HMCN2: variants seen among roughly 807,000 people sequenced by gnomAD.
HMCN2 encodes the protein hemicentin-2.
HMCN2 carries 325 observed loss-of-function variants against 377.5 expected under a neutral mutation model. That is an observed-to-expected ratio of 0.86 (90% CI 0.79 to 0.94). The LOEUF (loss-of-function observed/expected upper bound fraction) is 0.94. Among genes scored for constraint, HMCN2 ranks in the 40% least tolerant of loss-of-function variants. HMCN2 has a pLI of 0.00. For missense variants in HMCN2, 4,543 were observed against 4,725.3 expected (o/e 0.96, Z 1.13); for synonymous variants, 2,007 against 2,046.8 (o/e 0.98, Z 0.53).
intron 1 of HMCN2, among the ~76,000 whole-genome samples, chr9:130,278,171 G>C (rs979545813): frequency 1.7e-4 from 26 of 152,250 alleles, no homozygotes; most frequent in South Asian, 4.1e-4. Context: ...GTCACCCAGG[G>C]TGGAGTGCAG....
Position 130,296,709 on chromosome 9 carries a change from A to T in HMCN2, c.927A>T (p.Thr309=), listed in dbSNP as rs1006661152. 29 of 471,062 alleles carry T rather than the reference A, an allele frequency of 6.2e-5. No homozygotes were observed. Among genetic ancestry groups the T allele is most frequent in the African/African-American group, 5.6e-4 (28 of 50,076 alleles). 29.2% of individuals were successfully genotyped at this position (471,062 alleles called of 1,614,324 possible). Residue 309 remains threonine (T), a synonymous_variant, in exon 7 of 98, where the codon ACA becomes ACT. Transcript: ENST00000683500. ...YSSGRHSVRI[T]GVSNIDFRAG... The stretch of plus-strand genomic sequence containing the variant: ...GTGGCCGCCATTCAGTGAGGATCAC[A>T]GGCGTCAGCAACATTGACTTCCGAG...
chr9:130,349,631 C>T lies in HMCN2; in HGVS notation c.4398C>T (p.Pro1466=). The T allele has an allele frequency of 7.7e-7, 1 of 1,304,056 alleles. No individual in the cohort carries two copies. Among genetic ancestry groups the T allele is most frequent in the Non-Finnish European group, 1.0e-6 (1 of 988,818 alleles). The allele number at this position is 1,304,056 out of a possible 1,614,324, so 80.8% of individuals were successfully genotyped here. ...VELQCWTSGV[P]TPQVEWTKDR... ...TGCAGTGTTGGACCTCAGGGGTCCC[C>T]ACGCCCCAGGTGGAGTGGACCAAGG... Residue 1466 remains proline (P), a synonymous_variant, in exon 29 of 98, where the codon CCC becomes CCT. Transcript: ENST00000683500.
Position 130,309,963 on chromosome 9 carries a change from G to A in HMCN2, c.2252G>A (p.Arg751Gln), listed in dbSNP as rs182627801. 8.3e-5 allele frequency: 44 copies of A among 529,566 alleles called. No homozygotes were observed. In the East Asian group the frequency reaches 1.5e-3, roughly 18 times the overall value. The allele number at this position is 529,566 out of a possible 1,614,324, so 32.8% of individuals were successfully genotyped here. A position where few individuals can be genotyped will look rare whatever the true frequency, so the allele number is the denominator to read the frequency against. The change falls in exon 15 of 98, where the codon CGG becomes CAG. Residue 751 changes from arginine (R) to glutamine (Q), a missense_variant. By Grantham distance (43) the Arg-to-Gln change is conservative. This residue lies in a region of HMCN2 where 547 missense variants were observed against 189.9 expected (regional missense o/e 2.88). Transcript: ENST00000683500. ...APEGSSSGKL[R>Q]IPAAQERDAG... ...GAGGGCTCCAGCTCTGGGAAGCTGC[G>A]GATCCCGGCGGCTCAGGAGAGGGAT...
At chr9:130,325,177 C>T (rs1419970365) in intron 19 of HMCN2, among the ~76,000 whole-genome samples, 3 of 150,716 alleles carry the variant, frequency 2.0e-5, no homozygotes, top group African/African-American at 7.4e-5. Context: ...CTCACTGCAA[C>T]CTCCGCCTTC....
rs1197177766 is a variant in HMCN2 at position 130,278,033 on chromosome 9, TCACCACCACCATCATCATTACCACCAC to T, written c.260-6551_260-6525del. Among the ~76,000 whole-genome samples the T allele has an allele frequency of 2.6e-3, 18 of 6,944 alleles. 2 individuals carry two copies. The highest frequency in any genetic ancestry group is 5.3e-3 in the South Asian group (1 of 190). The allele number at this position is 6,944 out of a possible 152,430, so 4.6% of individuals were successfully genotyped here. A position where few individuals can be genotyped will look rare whatever the true frequency, so the allele number is the denominator to read the frequency against. On this transcript the variant is annotated intron_variant, in intron 1 of 97. Coordinates refer to ENST00000683500, the MANE Select transcript of HMCN2 (RefSeq NM_001291815.2). ...ATCATCATCACCACCACCACGATCA[TCACCACCACCATCATCATTACCACCAC>T]CACCACCACCATCATCATCATCACC...
chr9:130,336,113 GAGAA>G (rs1233510092), intron 22 of HMCN2, among the ~76,000 whole-genome samples: 1 of 152,044 alleles, frequency 6.6e-6, no homozygotes, highest in Non-Finnish European at 1.5e-5. Context: ...GTGAGAGAGA[GAGAA>G]AGGAAGGAAA....
Position 130,433,790 on chromosome 9 carries a change from CA to C in HMCN2, c.*98del. On this transcript the variant is annotated 3_prime_UTR_variant, in exon 98 of 98. Transcript: ENST00000683500. ...CCACCTGCTGTGGCAAGCGGAGCGT[CA>C]TCGTCTCCCGCCCCGTGCGTCAGCG... 1 of 1,005,576 alleles carries C rather than the reference CA, an allele frequency of 9.9e-7. No individual in the cohort carries two copies. The highest frequency in any genetic ancestry group is 1.4e-6 in the Non-Finnish European group (1 of 727,588). 62.3% of individuals were successfully genotyped at this position (1,005,576 alleles called of 1,614,324 possible).
chr9:130,268,922 G>C lies in HMCN2; in HGVS notation c.259+2785G>C, dbSNP rs377719140. The stretch of plus-strand genomic sequence containing the variant: ...CTTCTATGGGCTGTGAACAGCCACC[G>C]AGGGCTTCTGAGCAGCAGTTTGGAA... On this transcript the variant is annotated intron_variant, in intron 1 of 97. Transcript: ENST00000683500. 4.0e-5 allele frequency among the ~76,000 whole-genome samples: 6 copies of C among 148,914 alleles called. 1 individual carries two copies. Among genetic ancestry groups the C allele is most frequent in the Non-Finnish European group, 6.0e-5 (4 of 66,304 alleles).
chr9:130,427,228 G>A, intron 90 of HMCN2, 85 bp from the exon 91 acceptor site: 1 of 1,384,660 alleles, frequency 7.2e-7, no homozygotes, highest in African/African-American at 1.4e-5. Context: ...TGGCAGTGGG[G>A]GAGCTGTGAG....
At position 130,312,039 on chromosome 9, in the gene HMCN2, T is replaced by C. The variant is rs903373820; in HGVS notation, c.2350+1978T>C. 7.9e-5 allele frequency among the ~76,000 whole-genome samples: 12 copies of C among 152,300 alleles called. No homozygotes were observed. The South Asian group carries it at 1.0e-3, about 13-fold the overall frequency. ...CAGAGCACATTTTGTTGCTGGCTCA[T>C]GTAACCCTCACAACAACCCTTGGAG... On this transcript the variant is annotated intron_variant, in intron 15 of 97. Transcript: ENST00000683500.
At position 130,430,416 on chromosome 9, in the gene HMCN2, G is replaced by T; in HGVS notation, c.14459G>T (p.Arg4820Leu). The T allele has an allele frequency of 6.4e-7, 1 of 1,550,522 alleles. No individual in the cohort carries two copies. Among genetic ancestry groups the T allele is most frequent in the Admixed American group, 2.0e-5 (1 of 51,010 alleles). Residue 4820 changes from arginine to leucine, a missense_variant, in exon 95 of 98, where the codon CGG becomes CTG. Around this residue, in one of 5 missense-constraint regions of HMCN2, gnomAD observed 1,155 missense variants for 1,157.7 expected, o/e 1.00. Transcript: ENST00000683500. ...GGCAAGGCCTGCACCTCACTGGAGC[G>T]GAATGGACAAAATGTGACCACCGTC... ...RDGKACTSLE[R>L]NGQNVTTVSH...
Position 130,428,223 on chromosome 9 carries a change from A to G in HMCN2, c.14066-135A>G. On this transcript the variant is annotated intron_variant, in intron 92 of 97. Coordinates refer to ENST00000683500, the MANE Select transcript of HMCN2 (RefSeq NM_001291815.2). This position sits in a 1 kb window ranked among gnomAD's most constrained non-coding sequence, Gnocchi z 5.0. Reference sequence around the variant, plus strand: ...CAAGACAATGGAAAGAGCTAGCAGAAGGGGTGGGGACCTTCCTGCCAGTGG... The same window carrying G: ...CAAGACAATGGAAAGAGCTAGCAGAGGGGGTGGGGACCTTCCTGCCAGTGG... 1.0e-6 allele frequency: 1 copy of G among 1,003,120 alleles called. No individual in the cohort carries two copies. Among genetic ancestry groups the G allele is most frequent in the South Asian group, 2.0e-5 (1 of 49,132 alleles). The allele number at this position is 1,003,120 out of a possible 1,614,324, so 62.1% of individuals were successfully genotyped here.
chr9:130,380,669 C>T (rs1841663271), intron 54 of HMCN2, among the ~76,000 whole-genome samples: 1 of 151,884 alleles, frequency 6.6e-6, no homozygotes, highest in Non-Finnish European at 1.5e-5. Context: ...TACCTGTGGT[C>T]CCAGCTACTC....
At chr9:130,325,345 C>G (rs987567348) in intron 19 of HMCN2, among the ~76,000 whole-genome samples, 17 of 152,310 alleles carry the variant, frequency 1.1e-4, no homozygotes, top group African/African-American at 4.1e-4. Context: ...ATTCTCCCGC[C>G]TCAGCCTCCC....
Position 130,364,770 on chromosome 9 carries a change from G to A in HMCN2, c.6289G>A (p.Val2097Met), listed in dbSNP as rs1011302063. ...TGTGTCCGTTGTGGCCAATGAGTCA[G>A]TGGCCCTGGAGTGCCAGAGCCACGC... is the stretch of plus-strand genomic sequence containing the variant. ...LNVSVVANES[V>M]ALECQSHAMP... The change falls in exon 41 of 98, where the codon GTG (valine) becomes ATG (methionine). Residue 2097 changes from valine to methionine, a missense_variant. Physicochemically the swap from Val to Met is conservative, Grantham distance 21. Transcript: ENST00000683500. 6.0e-5 allele frequency: 59 copies of A among 985,930 alleles called. No individual in the cohort carries two copies. Among genetic ancestry groups the A allele is most frequent in the Non-Finnish European group, 7.0e-5 (58 of 829,970 alleles). The allele number at this position is 985,930 out of a possible 1,614,324, so 61.1% of individuals were successfully genotyped here. A position where few individuals can be genotyped will look rare whatever the true frequency, so the allele number is the denominator to read the frequency against.
At chr9:130,299,614 C>G (rs1554933607) in intron 8 of HMCN2, among the ~76,000 whole-genome samples, 1 of 148,822 alleles carries the variant, frequency 6.7e-6, no homozygotes, top group South Asian at 2.2e-4. Context: ...CACTCATGCA[C>G]CCACCCATCC....
In HMCN2 at chr9:130,287,551, T is replaced by TAAA. The variant is rs142931668; in HGVS notation, c.612+1266_612+1268dup. On this transcript the variant is annotated intron_variant, in intron 4 of 97. Coordinates refer to ENST00000683500, the MANE Select transcript of HMCN2 (RefSeq NM_001291815.2). ...GGGCAACAAGAGTGAAACTCTGTCT[T>TAAA]AAAAAAAAAAAAAAAAAAAAAAAAA... 6.4e-5 allele frequency among the ~76,000 whole-genome samples: 6 copies of TAAA among 93,306 alleles called. No individual in the cohort carries two copies. In the South Asian group the frequency reaches 1.9e-3, roughly 29 times the overall value. The allele number at this position is 93,306 out of a possible 152,430, so 61.2% of individuals were successfully genotyped here.
rs191004421 is a variant in HMCN2, at chr9:130,268,539, C to T, written c.259+2402C>T. ...AAGTGACATGTGGTGGCTCAGGTGCCAACTCCTGGCCATGGGCCAGTAAGC... is the reference window on the plus strand; with the variant it reads ...AAGTGACATGTGGTGGCTCAGGTGCTAACTCCTGGCCATGGGCCAGTAAGC... On this transcript the variant is annotated intron_variant, in intron 1 of 97. Coordinates refer to ENST00000683500, the MANE Select transcript of HMCN2 (RefSeq NM_001291815.2). Among the ~76,000 whole-genome samples, 4 of 149,348 alleles carry T rather than the reference C, an allele frequency of 2.7e-5. 1 individual carries two copies. The highest frequency in any genetic ancestry group is 4.5e-5 in the Non-Finnish European group (3 of 66,356).
chr9:130,401,971 G>C (rs902425983), intron 77 of HMCN2, among the ~76,000 whole-genome samples: 1 of 152,146 alleles, frequency 6.6e-6, no homozygotes, highest in African/African-American at 2.4e-5. Flanking sequence ...CAGCTGCTTG[G>C]GAGGCTGAGG....
Sources: allele counts gnomAD v4.1 joint callset (sites outside exome capture counted in the v4.1 genomes callset), GRCh38; gene constraint gnomAD v4.1.1; regional missense constraint gnomAD v4.1.1; non-coding constraint Gnocchi (gnomAD v3.1); transcripts MANE v1.5; gene names NCBI Gene and HGNC (gene_info 2026-07-23, HGNC 2026-07-21).